The following ARNT variants were observed in gnomAD, a reference collection of about 807,000 sequenced individuals.
The protein encoded by ARNT is aryl hydrocarbon receptor nuclear translocator.
A neutral mutation model predicts 105.0 loss-of-function variants in ARNT; 30 were observed. The observed-to-expected ratio is 0.29, with a 90% CI of 0.21 to 0.39. ARNT has a LOEUF of 0.39. Among genes scored for constraint, ARNT ranks in the 10% least tolerant of loss-of-function variants. The pLI is 1.00. For missense variants in ARNT, 748 were observed against 978.7 expected, an observed-to-expected ratio of 0.76 and a Z score of 3.15; for synonymous variants, 304 against 344.0, an observed-to-expected ratio of 0.88 and a Z score of 1.29.
At chr1:150,853,248 T>C in intron 2 of ARNT, 1 of 366,690 alleles carries the variant, frequency 2.7e-6, no homozygotes, top group Non-Finnish European at 5.3e-6. Flanking sequence ...ACCATTGCAC[T>C]CAAGCCTGGG....
At chr1:150,855,124 A>T (rs1396293475) in intron 2 of ARNT, among the ~76,000 whole-genome samples, 2 of 152,114 alleles carry the variant, frequency 1.3e-5, no homozygotes, top group African/African-American at 4.8e-5. Context: ...GAATCTAAAG[A>T]AATAATATGA....
intron 4 of ARNT, among the ~76,000 whole-genome samples, chr1:150,845,118 T>G (rs1661959977): frequency 6.6e-6 from 1 of 152,006 alleles, no homozygotes; most frequent in African/African-American, 2.4e-5. Flanking sequence ...CCTCTTACTG[T>G]CATTTTTAAA....
In ARNT at chr1:150,816,425, G is replaced by T; in HGVS notation, c.1803-19C>A. The T allele has an allele frequency of 6.3e-7, 1 of 1,596,512 alleles. No individual in the cohort carries two copies. Among genetic ancestry groups the T allele is most frequent in the Non-Finnish European group, 8.5e-7 (1 of 1,174,552 alleles). On this transcript the variant is annotated intron_variant, in intron 18 of 21. Transcript: ENST00000358595. ...ACTATTCCTAGGAGTGAATAAATGA[G>T]GTAAAAGATTAAAAGGATAGATTTA... is the stretch of plus-strand genomic sequence containing the variant.
At chr1:150,874,018 T>TAAAAAA (rs58707975) in intron 1 of ARNT, among the ~76,000 whole-genome samples, 4 of 64,416 alleles carry the variant, frequency 6.2e-5, no homozygotes, top group Non-Finnish European at 8.9e-5. Context: ...ACAAGAATTG[T>TAAAAAA]AAAAAAAAAA....
At chr1:150,871,688 T>C (rs1474001654) in intron 1 of ARNT, among the ~76,000 whole-genome samples, 12 of 139,826 alleles carry the variant, frequency 8.6e-5, no homozygotes, top group Non-Finnish European at 3.0e-5. Flanking sequence ...GGTGGGCGGA[T>C]CACCTGAGGT....
chr1:150,850,130 G>A (rs1663046958), intron 3 of ARNT, among the ~76,000 whole-genome samples: 1 of 152,102 alleles, frequency 6.6e-6, no homozygotes, highest in African/African-American at 2.4e-5. Flanking sequence ...CCTCACACCT[G>A]TAATCCCAGC....
chr1:150,868,745 C>T (rs955345506), intron 1 of ARNT, among the ~76,000 whole-genome samples: 32 of 151,954 alleles, frequency 2.1e-4, no homozygotes, highest in South Asian at 2.1e-4. Flanking sequence ...ACTAAAAACA[C>T]AAAAATTAGC....
intron 6 of ARNT, among the ~76,000 whole-genome samples, chr1:150,839,067 C>T (rs1352014308): frequency 2.0e-5 from 3 of 152,148 alleles, no homozygotes; most frequent in Admixed American, 2.0e-4. Context: ...CATTCTATTA[C>T]TAAAACTAGA....
At position 150,811,974 on chromosome 1, in the gene ARNT, A is replaced by C. The variant is rs1384202831; in HGVS notation, c.*47T>G. The C allele has an allele frequency of 1.5e-6, 2 of 1,375,160 alleles. No individual in the cohort carries two copies. Among genetic ancestry groups the C allele is most frequent in the African/African-American group, 3.0e-5 (2 of 67,054 alleles). The allele number at this position is 1,375,160 out of a possible 1,614,324, so 85.2% of individuals were successfully genotyped here. A position where few individuals can be genotyped will look rare whatever the true frequency, so the allele number is the denominator to read the frequency against. The stretch of plus-strand genomic sequence containing the variant: ...ACAGAAAGATTTGCTTTTTAAAAAC[A>C]AACAGTGATTTTTTCTCCCCCACCC... On this transcript the variant is annotated 3_prime_UTR_variant, in exon 22 of 22. Transcript: ENST00000358595.
intron 1 of ARNT, among the ~76,000 whole-genome samples, chr1:150,874,610 C>T (rs890218091): frequency 6.6e-6 from 1 of 152,110 alleles, no homozygotes; most frequent in African/African-American, 2.4e-5. Flanking sequence ...ATCACTTGAG[C>T]CCCTGAGGTG....
In ARNT at chr1:150,810,465, C is replaced by T. The variant is rs1038105699; in HGVS notation, c.*1556G>A. On this transcript the variant is annotated 3_prime_UTR_variant, in exon 22 of 22. Coordinates refer to ENST00000358595, the MANE Select transcript of ARNT (RefSeq NM_001668.4). The stretch of plus-strand genomic sequence containing the variant: ...AAAAAATAAACTGTCTCCTTTTTTA[C>T]TCCACTACCTGGCACCAGACTGGAG... 2 of 221,544 alleles carry T rather than the reference C, an allele frequency of 9.0e-6. No individual in the cohort carries two copies. The highest frequency in any genetic ancestry group is 4.5e-5 in the African/African-American group (2 of 44,642). 13.7% of individuals were successfully genotyped at this position (221,544 alleles called of 1,614,324 possible). A position where few individuals can be genotyped will look rare whatever the true frequency, so the allele number is the denominator to read the frequency against.
chr1:150,817,807 CCTT>C, intron 15 of ARNT, 110 bp downstream of exon 15: 2 of 806,510 alleles, frequency 2.5e-6, no homozygotes, highest in Non-Finnish European at 3.8e-6. Context: ...GAGCAAAACT[CCTT>C]CTCAAAAAAA....
chr1:150,865,557 A>C (rs1272817887), intron 1 of ARNT, among the ~76,000 whole-genome samples: 2 of 152,198 alleles, frequency 1.3e-5, no homozygotes, highest in East Asian at 1.9e-4. Flanking sequence ...ACAGAGATGG[A>C]TTCCTAGATC....
At position 150,852,817 on chromosome 1, in the gene ARNT, C is replaced by G. The variant is rs768758396; in HGVS notation, c.138-11G>C. ...TCATCAAAATCCAGCCTGAGGAAAG[C>G]CAACAATAAATACTTTAAGCCTGCT... On this transcript the variant is annotated splice_polypyrimidine_tract_variant and intron_variant, in intron 2 of 21. Transcript: ENST00000358595. 2 of 1,613,836 alleles carry G rather than the reference C, an allele frequency of 1.2e-6. No individual in the cohort carries two copies. The highest frequency in any genetic ancestry group is 3.3e-5 in the Admixed American group (2 of 59,984).
intron 2 of ARNT, among the ~76,000 whole-genome samples, chr1:150,856,180 C>T (rs1362720748): frequency 2.0e-5 from 3 of 152,156 alleles, no homozygotes; most frequent in African/African-American, 7.2e-5. Flanking sequence ...GTGGCTCGTG[C>T]CTGTAATCCC....
chr1:150,870,661 C>G (rs995055537), intron 1 of ARNT, among the ~76,000 whole-genome samples: 3 of 151,998 alleles, frequency 2.0e-5, no homozygotes, highest in African/African-American at 4.8e-5. Flanking sequence ...GGAATGCTAC[C>G]ACACCCTGCT....
At chr1:150,829,577 T>C (rs755938379) in intron 11 of ARNT, 16 of 578,824 alleles carry the variant, frequency 2.8e-5, no homozygotes, top group Middle Eastern at 2.7e-4. Context: ...AATTCCACTT[T>C]TCTATTGTTA....
At chr1:150,815,378 C>T (rs12125114) in intron 19 of ARNT, among the ~76,000 whole-genome samples, 2 of 150,854 alleles carry the variant, frequency 1.3e-5, no homozygotes, top group African/African-American at 4.9e-5. Flanking sequence ...GAAATGCCGT[C>T]TCTACTAAAA....
intron 4 of ARNT, among the ~76,000 whole-genome samples, chr1:150,844,713 T>TA (rs201448376): frequency 2.6e-5 from 4 of 151,154 alleles, no homozygotes; most frequent in Admixed American, 6.6e-5. Context: ...AAGAATTTAA[T>TA]AAAAAAAAGT....
Sources: gnomAD v4.1 joint callset for allele counts (sites outside exome capture counted in the v4.1 genomes callset) on GRCh38, gnomAD v4.1.1 for gene constraint, MANE v1.5 for transcripts, NCBI Gene and HGNC (gene_info 2026-07-23, HGNC 2026-07-21) for gene names.